The following KCNH7 variants were observed in gnomAD, a reference collection of about 807,000 sequenced individuals.
KCNH7 encodes voltage-gated inwardly rectifying potassium channel KCNH7.
KCNH7 carries 49 observed loss-of-function variants against 120.8 expected under a neutral mutation model. The observed-to-expected ratio is 0.41, with a 90% CI of 0.32 to 0.51. KCNH7 has a LOEUF of 0.51. Ranked by LOEUF, KCNH7 falls within the 20% of genes least tolerant of loss-of-function variation. The probability of loss-of-function intolerance (pLI) is 0.38; values close to 1 mark genes in which losing one functional copy is unlikely to be tolerated. For missense variants in KCNH7, 1,097 were observed against 1,446.6 expected, an observed-to-expected ratio of 0.76 and a Z score of 3.92; for synonymous variants, 547 against 516.1, an observed-to-expected ratio of 1.06 and a Z score of -0.81.
chr2:162,400,255 C>T lies in KCNH7; in HGVS notation c.2341G>A (p.Ala781Thr). ...TLVHCGDVLTALYFLSRGSIE... is the reference protein window; with the variant it reads ...TLVHCGDVLTTLYFLSRGSIE... Reference sequence around the variant, plus strand: ...GAGCCTCTGGATAAGAAATAAAGTGCAGTGAGGACATCCCCACAGTGAACG... The same window carrying T: ...GAGCCTCTGGATAAGAAATAAAGTGTAGTGAGGACATCCCCACAGTGAACG... Residue 781 changes from alanine to threonine, a missense_variant, in exon 10 of 16, where the codon GCA becomes ACA. Coordinates refer to ENST00000332142, the MANE Select transcript of KCNH7 (RefSeq NM_033272.4). The T allele has an allele frequency of 6.2e-7, 1 of 1,612,274 alleles. No individual in the cohort carries two copies. Among genetic ancestry groups the T allele is most frequent in the Non-Finnish European group, 8.5e-7 (1 of 1,178,910 alleles).
At chr2:162,558,642 A>G (rs1692946942) in intron 2 of KCNH7, among the ~76,000 whole-genome samples, 2 of 151,894 alleles carry the variant, frequency 1.3e-5, no homozygotes, top group South Asian at 2.1e-4. Flanking sequence ...GAAAAGAAGT[A>G]ACATGGTGAT....
intron 2 of KCNH7, among the ~76,000 whole-genome samples, chr2:162,688,899 A>G (rs112444120): frequency 0.011 from 1,625 of 151,988 alleles, 25 homozygotes; most frequent in African/African-American, 0.037. Context: ...ATCTGGAATG[A>G]ATCCTTTTTC....
At chr2:162,684,483 G>T (rs937110997) in intron 2 of KCNH7, among the ~76,000 whole-genome samples, 3 of 152,000 alleles carry the variant, frequency 2.0e-5, no homozygotes, top group Non-Finnish European at 4.4e-5. Flanking sequence ...AATCTAGAAA[G>T]AACTTAAACA....
chr2:162,389,134 GT>G (rs1440329926), intron 12 of KCNH7, among the ~76,000 whole-genome samples: 1 of 151,674 alleles, frequency 6.6e-6, no homozygotes, highest in African/African-American at 2.4e-5. Flanking sequence ...GGCTTTTTTT[GT>G]TTTGTTTGTC....
At chr2:162,685,516 C>T (rs1015408939) in intron 2 of KCNH7, among the ~76,000 whole-genome samples, 2 of 151,884 alleles carry the variant, frequency 1.3e-5, no homozygotes, top group African/African-American at 2.4e-5. Context: ...TACACATGCT[C>T]GGAAGGAAAC....
chr2:162,701,605 T>C (rs892442432), intron 2 of KCNH7, among the ~76,000 whole-genome samples: 11 of 152,198 alleles, frequency 7.2e-5, no homozygotes, highest in Admixed American at 2.0e-4. Flanking sequence ...GTATTCAAAA[T>C]TGTAATCTCT....
chr2:162,817,540 C>T (rs773015292), intron 2 of KCNH7, among the ~76,000 whole-genome samples: 7 of 151,968 alleles, frequency 4.6e-5, no homozygotes, highest in Non-Finnish European at 7.4e-5. Flanking sequence ...TCATATAAAT[C>T]ATTTGTGGAC....
chr2:162,691,584 A>G (rs556681546), intron 2 of KCNH7, among the ~76,000 whole-genome samples: 46 of 152,296 alleles, frequency 3.0e-4, no homozygotes, highest in African/African-American at 1.1e-3. Flanking sequence ...TCAGTCTGTT[A>G]TTATAAATTC....
rs182724903 is a variant in KCNH7, at chr2:162,504,404, T to G, written c.1128+39A>C. On this transcript the variant is annotated intron_variant, in intron 6 of 15. Coordinates refer to ENST00000332142, the MANE Select transcript of KCNH7 (RefSeq NM_033272.4). ...ATGTTTCATGGTGCAGAAACAAACCTCTAAAACAGTTGAAATTGATAAGAA... is the reference window on the plus strand; with the variant it reads ...ATGTTTCATGGTGCAGAAACAAACCGCTAAAACAGTTGAAATTGATAAGAA... The G allele has an allele frequency of 3.7e-5, 54 of 1,463,726 alleles. No individual in the cohort carries two copies. In the African/African-American group the frequency reaches 6.8e-4, roughly 19 times the overall value. The allele number at this position is 1,463,726 out of a possible 1,614,324, so 90.7% of individuals were successfully genotyped here.
At chr2:162,650,082 A>G (rs1684514020) in intron 2 of KCNH7, among the ~76,000 whole-genome samples, 1 of 152,150 alleles carries the variant, frequency 6.6e-6, no homozygotes, top group South Asian at 2.1e-4. Flanking sequence ...CATTGCTATT[A>G]TAGATCTTTA....
At chr2:162,817,311 G>C (rs1684949656) in intron 2 of KCNH7, among the ~76,000 whole-genome samples, 1 of 152,130 alleles carries the variant, frequency 6.6e-6, no homozygotes, top group Non-Finnish European at 1.5e-5. Flanking sequence ...TGTAATTAGA[G>C]ATATGCAATG....
At chr2:162,663,939 T>A (rs898024690) in intron 2 of KCNH7, among the ~76,000 whole-genome samples, 2 of 152,126 alleles carry the variant, frequency 1.3e-5, no homozygotes, top group African/African-American at 2.4e-5. Flanking sequence ...CTGCAATATT[T>A]TCTGTCCGGA....
chr2:162,424,534 G>A (rs924965198), intron 8 of KCNH7, among the ~76,000 whole-genome samples: 1 of 152,120 alleles, frequency 6.6e-6, no homozygotes, highest in Admixed American at 6.6e-5. Flanking sequence ...TATATACCAG[G>A]GTGGGGAAAG....
chr2:162,536,830 A>G lies in KCNH7; in HGVS notation c.463+95T>C, dbSNP rs954549416. The stretch of plus-strand genomic sequence containing the variant: ...AAATTATTTTACTTCAAATATAAAG[A>G]TATTTTGAGAACTGAATTGAAATGA... On this transcript the variant is annotated intron_variant, in intron 3 of 15. Transcript: ENST00000332142. 8 of 1,149,690 alleles carry G rather than the reference A, an allele frequency of 7.0e-6. No homozygotes were observed. In the African/African-American group the frequency reaches 1.2e-4, roughly 18 times the overall value. The allele number at this position is 1,149,690 out of a possible 1,614,324, so 71.2% of individuals were successfully genotyped here.
intron 2 of KCNH7, among the ~76,000 whole-genome samples, chr2:162,759,281 T>A (rs755454995): frequency 6.6e-6 from 1 of 152,098 alleles, no homozygotes; most frequent in Admixed American, 6.6e-5. Context: ...GGTAGAGACC[T>A]GCAACCTTGC....
At chr2:162,523,494 C>T (rs1391108249) in intron 3 of KCNH7, among the ~76,000 whole-genome samples, 2 of 151,780 alleles carry the variant, frequency 1.3e-5, no homozygotes, top group African/African-American at 4.8e-5. Context: ...CTAAACTTTT[C>T]CAGTTTGAGA....
At chr2:162,712,624 A>G (rs1574295644) in intron 2 of KCNH7, among the ~76,000 whole-genome samples, 1 of 152,074 alleles carries the variant, frequency 6.6e-6, no homozygotes, top group Non-Finnish European at 1.5e-5. Flanking sequence ...CGGTCTCAAA[A>G]TGTTCTTGAA....
intron 2 of KCNH7, among the ~76,000 whole-genome samples, chr2:162,557,182 C>T (rs1271222549): frequency 6.6e-6 from 1 of 152,180 alleles, no homozygotes; most frequent in African/African-American, 2.4e-5. Flanking sequence ...AGACGGTGCA[C>T]TCATATGGCT....
chr2:162,716,521 G>A (rs1687130085), intron 2 of KCNH7, among the ~76,000 whole-genome samples: 1 of 152,106 alleles, frequency 6.6e-6, no homozygotes, highest in African/African-American at 2.4e-5. Context: ...AGATTGCTGA[G>A]TGCTTTACAT....
Sources: gnomAD v4.1 joint callset for allele counts (sites outside exome capture counted in the v4.1 genomes callset) on GRCh38, gnomAD v4.1.1 for gene constraint, MANE v1.5 for transcripts, NCBI Gene and HGNC (gene_info 2026-07-23, HGNC 2026-07-21) for gene names.